AKAP6: variants seen among roughly 807,000 people sequenced by gnomAD.
AKAP6 encodes A-kinase anchor protein 6.
AKAP6 carries 58 observed loss-of-function variants against 188.5 expected under a neutral mutation model. That is an observed-to-expected ratio of 0.31 (90% CI 0.25 to 0.38). The LOEUF (loss-of-function observed/expected upper bound fraction) is 0.38, where lower values mean the gene tolerates loss of function less well. AKAP6 is among the 10% of genes least tolerant of loss of function. AKAP6 has a pLI of 1.00. For missense variants in AKAP6, 2,710 were observed against 2,740.0 expected (o/e 0.99, Z 0.24); for synonymous variants, 989 against 998.6 (o/e 0.99, Z 0.18).
chr14:32,728,661 A>G (rs868093714), intron 9 of AKAP6, among the ~76,000 whole-genome samples: 43 of 152,156 alleles, frequency 2.8e-4, no homozygotes, highest in African/African-American at 9.9e-4. Flanking sequence ...CTTTAGTTTA[A>G]TTTGTGTGTT....
intron 12 of AKAP6, among the ~76,000 whole-genome samples, chr14:32,813,641 A>G (rs1164071582): frequency 1.3e-5 from 2 of 152,208 alleles, no homozygotes; most frequent in South Asian, 2.1e-4. Context: ...AAGGCCAAAT[A>G]TATTTCCTAT....
intron 8 of AKAP6, among the ~76,000 whole-genome samples, chr14:32,694,116 C>G (rs1308744668): frequency 2.6e-5 from 4 of 151,928 alleles, no homozygotes; most frequent in Non-Finnish European, 5.9e-5. Context: ...AATCCCAGCA[C>G]TTTGGGAGGC....
chr14:32,628,356 C>T (rs1456082762), intron 7 of AKAP6, among the ~76,000 whole-genome samples: 1 of 151,890 alleles, frequency 6.6e-6, no homozygotes, highest in African/African-American at 2.4e-5. Flanking sequence ...ATTCTACAGT[C>T]GGGCACCAAG....
At chr14:32,768,763 G>T (rs1382167838) in intron 11 of AKAP6, among the ~76,000 whole-genome samples, 1 of 152,034 alleles carries the variant, frequency 6.6e-6, no homozygotes, top group African/African-American at 2.4e-5. Context: ...TCAAACTTTA[G>T]CATGTATTGG....
chr14:32,422,085 A>G (rs925454119), intron 1 of AKAP6, among the ~76,000 whole-genome samples: 7 of 152,194 alleles, frequency 4.6e-5, no homozygotes, highest in African/African-American at 2.4e-5. Flanking sequence ...ACACAGAGTA[A>G]GGAGAGACCT....
At chr14:32,497,046 G>A (rs568166646) in intron 2 of AKAP6, among the ~76,000 whole-genome samples, 13 of 152,116 alleles carry the variant, frequency 8.5e-5, no homozygotes, top group Non-Finnish European at 1.9e-4. Flanking sequence ...TCCGGAGACC[G>A]TGGGCATACA....
At chr14:32,401,260 GA>G (rs924910916) in intron 1 of AKAP6, among the ~76,000 whole-genome samples, 9 of 151,750 alleles carry the variant, frequency 5.9e-5, no homozygotes, top group Admixed American at 4.6e-4. Flanking sequence ...TCCATAAATA[GA>G]AAAAAAATTA....
intron 11 of AKAP6, among the ~76,000 whole-genome samples, chr14:32,736,454 T>C (rs549693546): frequency 1.5e-4 from 23 of 152,262 alleles, no homozygotes; most frequent in Admixed American, 7.2e-4. Flanking sequence ...GAGAGGCATT[T>C]CCCCTGGTTT....
intron 2 of AKAP6, among the ~76,000 whole-genome samples, chr14:32,507,850 G>C (rs1005798867): frequency 2.6e-5 from 4 of 152,202 alleles, no homozygotes; most frequent in Admixed American, 1.3e-4. Flanking sequence ...AATGAGTCAG[G>C]CTTATTTCAA....
Position 32,545,711 on chromosome 14 carries a change from A to G in AKAP6, c.1058A>G (p.His353Arg), listed in dbSNP as rs1883166213. The change falls in exon 4 of 14, where the codon CAT (histidine) becomes CGT (arginine). Residue 353 changes from histidine to arginine, a missense_variant. Coordinates refer to ENST00000280979, the MANE Select transcript of AKAP6 (RefSeq NM_004274.5). ...CAGCAAGAATCCAGTTCCTCCTCCC[A>G]TCATGATGCAAAGAATCAGCAGCCT... is the stretch of plus-strand genomic sequence containing the variant. ...TVQQESSSSS[H>R]HDAKNQQPVP... 9 of 1,614,194 alleles carry G rather than the reference A, an allele frequency of 5.6e-6. No homozygotes were observed. The highest frequency in any genetic ancestry group is 6.8e-6 in the Non-Finnish European group (8 of 1,180,022).
At chr14:32,725,524 G>C (rs1435485560) in intron 9 of AKAP6, among the ~76,000 whole-genome samples, 1 of 151,970 alleles carries the variant, frequency 6.6e-6, no homozygotes, top group Non-Finnish European at 1.5e-5. Flanking sequence ...TTTCAGGAAT[G>C]TTGATTTCCG....
At chr14:32,345,093 C>T (rs550973073) in intron 1 of AKAP6, among the ~76,000 whole-genome samples, 3 of 151,994 alleles carry the variant, frequency 2.0e-5, no homozygotes, top group Non-Finnish European at 4.4e-5. Flanking sequence ...TCTATGCTTC[C>T]TTTCTAATTT....
intron 1 of AKAP6, among the ~76,000 whole-genome samples, chr14:32,350,518 A>C (rs1887229899): frequency 6.6e-6 from 1 of 152,210 alleles, no homozygotes; most frequent in African/African-American, 2.4e-5. Flanking sequence ...GTGGTACTCA[A>C]GATTAGGTCC....
At chr14:32,353,947 C>T (rs572461729) in intron 1 of AKAP6, among the ~76,000 whole-genome samples, 38 of 151,866 alleles carry the variant, frequency 2.5e-4, no homozygotes, top group Non-Finnish European at 3.7e-4. Context: ...CACTGCTCAC[C>T]GAAATAAAAA....
At chr14:32,573,683 AAT>A (rs1884592630) in intron 4 of AKAP6, among the ~76,000 whole-genome samples, 1 of 152,210 alleles carries the variant, frequency 6.6e-6, no homozygotes, top group Non-Finnish European at 1.5e-5. Context: ...ATAAATGACC[AAT>A]ATTTGTTGCA....
chr14:32,689,632 A>G (rs1304528676), intron 8 of AKAP6, among the ~76,000 whole-genome samples: 1 of 152,162 alleles, frequency 6.6e-6, no homozygotes, highest in Non-Finnish European at 1.5e-5. Context: ...GCAACTGTGC[A>G]TATCAGATTC....
intron 2 of AKAP6, among the ~76,000 whole-genome samples, chr14:32,446,660 C>G (rs1890766263): frequency 6.6e-6 from 1 of 151,386 alleles, no homozygotes; most frequent in Admixed American, 6.6e-5. Context: ...GATCTACAAG[C>G]AACTATTTTT....
rs2139155812 is a variant in AKAP6 at position 32,546,339 on chromosome 14, G to T, written c.1686G>T (p.Trp562Cys). Residue 562 changes from tryptophan (W) to cysteine (C), a missense_variant, in exon 4 of 14, where the codon TGG becomes TGT. Physicochemically the swap from Trp to Cys is radical, Grantham distance 215 (BLOSUM62 -2). This residue lies in a region of AKAP6 where 2,473 missense variants were observed against 2,426.1 expected (regional missense o/e 1.02). Transcript: ENST00000280979. ...SSLEPCNQRS[W>C]NAKLQLQSET... ...TTGAGCCTTGTAATCAGAGAAGTTG[G>T]AATGCCAAATTGCAATTGCAGTCAG... The T allele has an allele frequency of 6.2e-7, 1 of 1,614,150 alleles. No homozygotes were observed. Among genetic ancestry groups the T allele is most frequent in the East Asian group, 2.2e-5 (1 of 44,882 alleles).
At chr14:32,799,512 T>C (rs1170619629) in intron 12 of AKAP6, among the ~76,000 whole-genome samples, 1 of 152,206 alleles carries the variant, frequency 6.6e-6, no homozygotes, top group African/African-American at 2.4e-5. Context: ...AAGTTGTATT[T>C]TTGTTTTTAT....
Sources: gnomAD v4.1 joint callset for allele counts (sites outside exome capture counted in the v4.1 genomes callset) on GRCh38, gnomAD v4.1.1 for gene constraint, gnomAD v4.1.1 regional missense constraint, MANE v1.5 for transcripts, NCBI Gene and HGNC (gene_info 2026-07-23, HGNC 2026-07-21) for gene names.